Variants in ADIPOR2 observed in about 807,000 individuals in gnomAD.
The protein encoded by ADIPOR2 is adiponectin receptor protein 2.
A neutral mutation model predicts 40.9 loss-of-function variants in ADIPOR2; 18 were observed. That is an observed-to-expected ratio of 0.44 (90% CI 0.30 to 0.65). ADIPOR2 has a LOEUF of 0.65. Ranked by LOEUF, ADIPOR2 falls within the 30% of genes least tolerant of loss-of-function variation. The pLI is 0.09. For synonymous variants in ADIPOR2, 165 were observed against 166.4 expected (o/e 0.99, Z 0.06); for missense variants, 283 against 479.2 (o/e 0.59, Z 3.82).
intron 1 of ADIPOR2, among the ~76,000 whole-genome samples, chr12:1,706,776 C>G (rs986571683): frequency 6.6e-6 from 1 of 152,166 alleles, no homozygotes; most frequent in African/African-American, 2.4e-5. Flanking sequence ...CACCCCTCCC[C>G]TCCTCTGGTT....
intron 1 of ADIPOR2, among the ~76,000 whole-genome samples, chr12:1,702,370 G>A (rs1032194178): frequency 3.9e-5 from 6 of 152,128 alleles, no homozygotes; most frequent in African/African-American, 1.4e-4. Context: ...TTTTTTAGCT[G>A]TATTGGATAT....
chr12:1,733,828 A>G (rs1340186450), intron 1 of ADIPOR2, among the ~76,000 whole-genome samples: 3 of 137,322 alleles, frequency 2.2e-5, no homozygotes, highest in East Asian at 2.1e-4. Context: ...TCATTGTTCA[A>G]TTCCCACCTA....
intron 1 of ADIPOR2, among the ~76,000 whole-genome samples, chr12:1,716,786 A>C (rs965838496): frequency 6.6e-6 from 1 of 152,146 alleles, no homozygotes; most frequent in Non-Finnish European, 1.5e-5. Context: ...GCAATTTTTC[A>C]TCCAGCCCTT....
rs1473437721 is a variant in ADIPOR2 at position 1,754,385 on chromosome 12, T to A, written c.42T>A (p.Thr14=). 1 of 1,612,630 alleles carries A rather than the reference T, an allele frequency of 6.2e-7. No individual in the cohort carries two copies. The highest frequency in any genetic ancestry group is 8.5e-7 in the Non-Finnish European group (1 of 1,179,406). Residue 14 remains threonine (T), a synonymous_variant, in exon 2 of 8, where the codon ACT becomes ACA. Transcript: ENST00000357103. ...PTENRLGCSR[T]PEPDIRLRKG... ...AAAACCGATTGGGGTGCAGCAGGAC[T>A]CCAGAGCCAGATATAAGGCTCAGAA...
At chr12:1,701,463 G>A (rs1260663852) in intron 1 of ADIPOR2, among the ~76,000 whole-genome samples, 4 of 152,150 alleles carry the variant, frequency 2.6e-5, no homozygotes, top group Admixed American at 2.6e-4. Flanking sequence ...TACTACATGG[G>A]TATATATTCA....
intron 1 of ADIPOR2, among the ~76,000 whole-genome samples, chr12:1,739,953 T>C (rs1244098149): frequency 6.7e-6 from 1 of 149,302 alleles, no homozygotes; most frequent in African/African-American, 2.5e-5. Context: ...ATACAAAAAA[T>C]TAACCGGGCG....
intron 1 of ADIPOR2, among the ~76,000 whole-genome samples, chr12:1,735,644 T>A (rs1203243805): frequency 6.6e-6 from 1 of 151,988 alleles, no homozygotes; most frequent in East Asian, 1.9e-4. Context: ...TGAATAGGAG[T>A]GGTGAGAGAG....
At chr12:1,705,463 CT>C (rs1225942912) in intron 1 of ADIPOR2, among the ~76,000 whole-genome samples, 3 of 152,174 alleles carry the variant, frequency 2.0e-5, no homozygotes, top group Non-Finnish European at 4.4e-5. Flanking sequence ...CCATACCTGA[CT>C]TCCAGTGACA....
Position 1,691,202 on chromosome 12 carries a change from G to T in ADIPOR2, c.-87+11G>T, listed in dbSNP as rs1307076776. 3 of 154,544 alleles carry T rather than the reference G, an allele frequency of 1.9e-5. No homozygotes were observed. The East Asian group carries it at 5.7e-4, about 30-fold the overall frequency. The allele number at this position is 154,544 out of a possible 1,614,324, so 9.6% of individuals were successfully genotyped here. Reference sequence around the variant, plus strand: ...AGTCCGAGACACGCGGTGAGGCGGCGACGGGCTCCGGGTGAGGGTCTCTGG... The same window carrying T: ...AGTCCGAGACACGCGGTGAGGCGGCTACGGGCTCCGGGTGAGGGTCTCTGG... On this transcript the variant is annotated intron_variant, in intron 1 of 7. Transcript: ENST00000357103.
At chr12:1,757,730 C>G in intron 2 of ADIPOR2, 1 of 1,294,880 alleles carries the variant, frequency 7.7e-7, no homozygotes. Context: ...AAATTCTCCC[C>G]CGTCTTGTCA....
At chr12:1,744,430 C>CA (rs1261919729) in intron 1 of ADIPOR2, among the ~76,000 whole-genome samples, 6 of 151,126 alleles carry the variant, frequency 4.0e-5, no homozygotes, top group Admixed American at 4.0e-4. Context: ...TTTTCTGAGA[C>CA]AGAGTCTTTG....
rs761601135 is a variant in ADIPOR2 at position 1,773,124 on chromosome 12, C to T, written c.291+163C>T. Among the ~76,000 whole-genome samples, 15 of 152,242 alleles carry T rather than the reference C, an allele frequency of 9.9e-5. 1 individual carries two copies. The highest frequency in any genetic ancestry group is 6.8e-3 in the Middle Eastern group (2 of 294). The stretch of plus-strand genomic sequence containing the variant: ...CTTGGGACTCTAATCCTGTTGAAGA[C>T]AGAATACATTTGTTGGCTTGTAGTA... On this transcript the variant is annotated intron_variant, in intron 3 of 7. Coordinates refer to ENST00000357103, the MANE Select transcript of ADIPOR2 (RefSeq NM_024551.3).
At chr12:1,773,516 CTTTTTTTTTT>C (rs34995304) in intron 3 of ADIPOR2, among the ~76,000 whole-genome samples, 1 of 123,720 alleles carries the variant, frequency 8.1e-6, no homozygotes, top group Non-Finnish European at 1.7e-5. Flanking sequence ...TTATGGGATT[CTTTTTTTTTT>C]TTTTTTTTTC....
intron 6 of ADIPOR2, among the ~76,000 whole-genome samples, chr12:1,782,856 A>G (rs1367083149): frequency 6.6e-6 from 1 of 151,650 alleles, no homozygotes; most frequent in East Asian, 1.9e-4. Context: ...CCCATCCCCC[A>G]CCCCCATTAG....
chr12:1,743,241 A>AAAAAAAC (rs1555169152), intron 1 of ADIPOR2, among the ~76,000 whole-genome samples: 5 of 121,980 alleles, frequency 4.1e-5, no homozygotes, highest in East Asian at 2.1e-4. Flanking sequence ...AAAAAAAAAA[A>AAAAAAAC]AAAAACAAAG....
intron 1 of ADIPOR2, among the ~76,000 whole-genome samples, chr12:1,726,128 G>C (rs145132631): frequency 8.5e-4 from 129 of 152,298 alleles, no homozygotes; most frequent in Middle Eastern, 3.4e-3. Flanking sequence ...AGCAACCTTA[G>C]TGCTTCTAAG....
In ADIPOR2 at chr12:1,780,950, T is replaced by C. The variant is rs1389524934; in HGVS notation, c.712T>C (p.Ser238Pro). The change falls in exon 6 of 8, where the codon TCT (serine) becomes CCT (proline). Residue 238 changes from serine to proline, a missense_variant. Physicochemically the swap from Ser to Pro is moderately conservative, Grantham distance 74 (BLOSUM62 -1). Around this residue, in one of 3 missense-constraint regions of ADIPOR2, gnomAD observed 112 missense variants for 249.5 expected, o/e 0.45. Coordinates refer to ENST00000357103, the MANE Select transcript of ADIPOR2 (RefSeq NM_024551.3). ...AAGTTTTGTTCCTTGGCTTTATTAT[T>C]CTTTCTACTGTAATCCACAACCTTG... ...MGSFVPWLYY[S>P]FYCNPQPCFI... The C allele has an allele frequency of 6.2e-7, 1 of 1,613,916 alleles. No homozygotes were observed. Among genetic ancestry groups the C allele is most frequent in the Non-Finnish European group, 8.5e-7 (1 of 1,179,938 alleles).
intron 1 of ADIPOR2, among the ~76,000 whole-genome samples, chr12:1,742,199 C>T (rs1447204217): frequency 2.6e-5 from 4 of 152,138 alleles, no homozygotes; most frequent in Non-Finnish European, 5.9e-5. Context: ...CTCAAGCGAT[C>T]CTCCCACCTC....
intron 1 of ADIPOR2, among the ~76,000 whole-genome samples, chr12:1,737,842 C>T (rs2094734194): frequency 2.6e-5 from 4 of 152,178 alleles, no homozygotes. Context: ...GGAGCCACTG[C>T]GCCTGGCCCA....
Sources: gnomAD v4.1 joint callset for allele counts (sites outside exome capture counted in the v4.1 genomes callset) on GRCh38, gnomAD v4.1.1 for gene constraint, gnomAD v4.1.1 regional missense constraint, MANE v1.5 for transcripts, NCBI Gene and HGNC (gene_info 2026-07-23, HGNC 2026-07-21) for gene names.